LRP1B: variants seen among roughly 807,000 people sequenced by gnomAD.
The protein encoded by LRP1B is LDL receptor related protein 1B.
LRP1B carries 217 observed loss-of-function variants against 556.6 expected under a neutral mutation model. That is an observed-to-expected ratio of 0.39 (90% CI 0.35 to 0.44). The LOEUF is 0.44. Ranked by LOEUF, LRP1B falls within the 20% of genes least tolerant of loss-of-function variation. The pLI, the probability that LRP1B is intolerant of heterozygous loss-of-function variation, is 1.00. For missense variants in LRP1B, 5,053 were observed against 5,620.8 expected (o/e 0.90, Z 3.23); for synonymous variants, 2,047 against 1,865.8 (o/e 1.10, Z -2.50).
At chr2:141,089,724 C>T (rs1213934164) in intron 7 of LRP1B, among the ~76,000 whole-genome samples, 1 of 152,138 alleles carries the variant, frequency 6.6e-6, no homozygotes, top group Non-Finnish European at 1.5e-5. Flanking sequence ...TTATATACTA[C>T]CTCCCATCGA....
chr2:141,830,541 T>G (rs1054255906), intron 1 of LRP1B, among the ~76,000 whole-genome samples: 12 of 151,852 alleles, frequency 7.9e-5, no homozygotes, highest in African/African-American at 2.2e-4. Flanking sequence ...TTAAAAATAT[T>G]TATTTCAGCA....
At chr2:140,425,930 G>T (rs1420028542) in intron 66 of LRP1B, among the ~76,000 whole-genome samples, 1 of 152,062 alleles carries the variant, frequency 6.6e-6, no homozygotes, top group African/African-American at 2.4e-5. Context: ...AACTTCTTTG[G>T]ATTCCTGGAG....
intron 3 of LRP1B, among the ~76,000 whole-genome samples, chr2:141,340,749 T>C (rs899225236): frequency 6.6e-6 from 1 of 152,170 alleles, no homozygotes; most frequent in Non-Finnish European, 1.5e-5. Flanking sequence ...AAACAGTCAA[T>C]ACCCCTTGAA....
chr2:142,059,977 C>T (rs1704843513), intron 1 of LRP1B, among the ~76,000 whole-genome samples: 1 of 151,914 alleles, frequency 6.6e-6, no homozygotes. Flanking sequence ...CTTTTTATAT[C>T]ATGTGTTTGG....
chr2:141,587,979 A>T (rs566879719), intron 2 of LRP1B, among the ~76,000 whole-genome samples: 2 of 152,338 alleles, frequency 1.3e-5, no homozygotes, highest in Admixed American at 6.5e-5. Context: ...GAAAATCCAG[A>T]TCGGTCTTCT....
At chr2:141,688,679 G>A (rs527788296) in intron 2 of LRP1B, among the ~76,000 whole-genome samples, 6 of 151,872 alleles carry the variant, frequency 4.0e-5, no homozygotes, top group East Asian at 1.9e-4. Flanking sequence ...ATGCAATCTC[G>A]TTCCAGAAAC....
At chr2:140,624,120 A>C (rs951286502) in intron 41 of LRP1B, among the ~76,000 whole-genome samples, 3 of 152,044 alleles carry the variant, frequency 2.0e-5, no homozygotes, top group East Asian at 1.9e-4. Flanking sequence ...TGAACCCATT[A>C]CAAAGGTTGC....
chr2:141,660,032 G>A (rs959701349), intron 2 of LRP1B, among the ~76,000 whole-genome samples: 1 of 152,096 alleles, frequency 6.6e-6, no homozygotes, highest in Admixed American at 6.6e-5. Flanking sequence ...CTGGCAGAGA[G>A]GGGCCAAAAG....
At chr2:141,883,769 T>A (rs1232502881) in intron 1 of LRP1B, among the ~76,000 whole-genome samples, 1 of 152,024 alleles carries the variant, frequency 6.6e-6, no homozygotes, top group East Asian at 1.9e-4. Context: ...GATGATATGA[T>A]GAAACAAAAA....
chr2:141,503,497 T>C (rs559372864), intron 2 of LRP1B, among the ~76,000 whole-genome samples: 23 of 152,062 alleles, frequency 1.5e-4, no homozygotes, highest in Admixed American at 5.9e-4. Context: ...GCCAAAATAA[T>C]AATACTGCAG....
intron 43 of LRP1B, among the ~76,000 whole-genome samples, chr2:140,597,485 A>G (rs570624743): frequency 5.9e-5 from 9 of 152,298 alleles, no homozygotes; most frequent in African/African-American, 2.2e-4. Context: ...AAAGCATTAT[A>G]TACTAGGTTT....
At chr2:141,139,924 G>GA (rs921202742) in intron 7 of LRP1B, among the ~76,000 whole-genome samples, 1 of 151,132 alleles carries the variant, frequency 6.6e-6, no homozygotes, top group Admixed American at 6.6e-5. Flanking sequence ...TATTATAATA[G>GA]AAAAAAACTT....
At chr2:141,807,063 A>G (rs1424478614) in intron 2 of LRP1B, among the ~76,000 whole-genome samples, 4 of 152,088 alleles carry the variant, frequency 2.6e-5, no homozygotes, top group Non-Finnish European at 5.9e-5. Context: ...ATCAGTCTCC[A>G]AGGTTTTCCG....
intron 43 of LRP1B, among the ~76,000 whole-genome samples, chr2:140,560,239 G>A (rs912759757): frequency 6.6e-6 from 1 of 152,104 alleles, no homozygotes; most frequent in Non-Finnish European, 1.5e-5. Flanking sequence ...CAAGACTGGG[G>A]TAATATCTAA....
chr2:140,452,328 C>A (rs928336011), intron 62 of LRP1B, among the ~76,000 whole-genome samples: 1 of 152,120 alleles, frequency 6.6e-6, no homozygotes, highest in Non-Finnish European at 1.5e-5. Context: ...ACAAAAATCT[C>A]ACTTTCCATA....
intron 29 of LRP1B, among the ~76,000 whole-genome samples, chr2:140,848,720 G>A (rs1221716237): frequency 6.6e-6 from 1 of 152,062 alleles, no homozygotes; most frequent in Non-Finnish European, 1.5e-5. Context: ...CTGCGTCTTT[G>A]GATATTCAGT....
At chr2:140,994,661 A>G (rs535759470) in intron 15 of LRP1B, among the ~76,000 whole-genome samples, 1 of 149,156 alleles carries the variant, frequency 6.7e-6, no homozygotes, top group South Asian at 2.2e-4. Context: ...GATGATGGAT[A>G]TATTAATTAG....
At chr2:140,740,801 C>T (rs537858108) in intron 35 of LRP1B, among the ~76,000 whole-genome samples, 1 of 152,088 alleles carries the variant, frequency 6.6e-6, no homozygotes, top group East Asian at 1.9e-4. Context: ...ATGGTCTTTC[C>T]TCTGTGCATT....
intron 33 of LRP1B, among the ~76,000 whole-genome samples, chr2:140,773,671 A>AAATT (rs70988438): frequency 0.35 from 52,899 of 150,604 alleles, 9,360 homozygotes; most frequent in African/African-American, 0.42. Flanking sequence ...ATAAATAATA[A>AAATT]AATATATTTC....
Sources: gnomAD v4.1 joint callset for allele counts (sites outside exome capture counted in the v4.1 genomes callset) on GRCh38, gnomAD v4.1.1 for gene constraint, MANE v1.5 for transcripts, NCBI Gene and HGNC (gene_info 2026-07-23, HGNC 2026-07-21) for gene names.